TSC22D1: variants seen among roughly 807,000 people sequenced by gnomAD.
The protein encoded by TSC22D1 is TSC22 domain family protein 1.
TSC22D1 carries 9 observed loss-of-function variants against 74.2 expected under a neutral mutation model. The ratio of observed to expected loss-of-function variants is 0.12; its 90% CI spans 0.07 to 0.21. The LOEUF (loss-of-function observed/expected upper bound fraction) is 0.21, where lower values mean the gene tolerates loss of function less well. TSC22D1 is among the 10% of genes least tolerant of loss of function. TSC22D1 has a pLI of 1.00. For synonymous variants in TSC22D1, 586 were observed against 492.5 expected, an observed-to-expected ratio of 1.19 and a Z score of -2.51; for missense variants, 1,427 against 1,304.7, an observed-to-expected ratio of 1.09 and a Z score of -1.44.
At chr13:44,437,423 G>GA (rs552925314) in intron 1 of TSC22D1, 76 of 240,676 alleles carry the variant, frequency 3.2e-4, no homozygotes, top group African/African-American at 1.3e-3. Flanking sequence ...AATTTTAGAG[G>GA]AAAAAAAATC....
At chr13:44,468,000 G>GCA (rs754334721) in intron 1 of TSC22D1, among the ~76,000 whole-genome samples, 1,504 of 114,960 alleles carry the variant, frequency 0.013, 22 homozygotes, top group African/African-American at 0.037. Flanking sequence ...ATACACACAC[G>GCA]CGCACACACA....
rs149910074 is a variant in TSC22D1, at chr13:44,497,266, G to A, written c.2913-61171C>T. ...TATAATATGGATGATCTTAAAAATCGTGCTAAGTGAAAGAGGCCACATACA... is the reference window on the plus strand; with the variant it reads ...TATAATATGGATGATCTTAAAAATCATGCTAAGTGAAAGAGGCCACATACA... On this transcript the variant is annotated intron_variant, in intron 1 of 2. Transcript: ENST00000458659. Among the ~76,000 whole-genome samples, 303 of 152,182 alleles carry A rather than the reference G, an allele frequency of 2.0e-3. 7 individuals carry two copies. In the East Asian group the frequency reaches 0.03, roughly 15 times the overall value.
intron 1 of TSC22D1, among the ~76,000 whole-genome samples, chr13:44,528,093 T>C (rs950767831): frequency 6.6e-6 from 1 of 152,030 alleles, no homozygotes; most frequent in Non-Finnish European, 1.5e-5. Flanking sequence ...TCCACTATCA[T>C]AGTTAAAGAC....
At chr13:44,491,012 C>G (rs748962577) in intron 1 of TSC22D1, among the ~76,000 whole-genome samples, 1 of 151,610 alleles carries the variant, frequency 6.6e-6, no homozygotes, top group Non-Finnish European at 1.5e-5. Flanking sequence ...CAAAGGATAT[C>G]ACAATTAGCC....
At chr13:44,549,552 C>G (rs898226845) in intron 1 of TSC22D1, among the ~76,000 whole-genome samples, 1 of 152,012 alleles carries the variant, frequency 6.6e-6, no homozygotes, top group Admixed American at 6.6e-5. Flanking sequence ...GAGAGAGGAT[C>G]TCTTGAGCTC....
intron 1 of TSC22D1, chr13:44,436,759 AC>A: frequency 6.8e-7 from 1 of 1,478,712 alleles, no homozygotes; most frequent in East Asian, 2.3e-5. Context: ...ATTTAAAGAA[AC>A]CCAGCTTCTA....
At chr13:44,545,594 A>G (rs1450456019) in intron 1 of TSC22D1, among the ~76,000 whole-genome samples, 1 of 152,016 alleles carries the variant, frequency 6.6e-6, no homozygotes, top group Non-Finnish European at 1.5e-5. Context: ...AAAAAAAAAA[A>G]AAAAGGATAA....
chr13:44,498,006 CTCCTCCCCT>C (rs1029079052), intron 1 of TSC22D1, among the ~76,000 whole-genome samples: 1 of 151,900 alleles, frequency 6.6e-6, no homozygotes, highest in African/African-American at 2.4e-5. Flanking sequence ...CTTCCTGTCA[CTCCTCCCCT>C]TCCTCCACTA....
intron 1 of TSC22D1, among the ~76,000 whole-genome samples, chr13:44,563,139 G>A (rs971587856): frequency 1.3e-5 from 2 of 151,774 alleles, no homozygotes; most frequent in Non-Finnish European, 2.9e-5. Context: ...CAAAAACCCT[G>A]TCTTAAGGTT....
intron 1 of TSC22D1, among the ~76,000 whole-genome samples, chr13:44,508,880 G>A (rs915054727): frequency 2.6e-5 from 4 of 152,110 alleles, no homozygotes; most frequent in South Asian, 2.1e-4. Flanking sequence ...CACAGCCCCC[G>A]TGCTCATGGG....
At chr13:44,501,246 G>A (rs1165716421) in intron 1 of TSC22D1, among the ~76,000 whole-genome samples, 2 of 152,168 alleles carry the variant, frequency 1.3e-5, no homozygotes, top group East Asian at 3.8e-4. Context: ...GCAAGTGGCT[G>A]GTTTGAGGGA....
In TSC22D1 at chr13:44,539,058, G is replaced by GA. The variant is rs1881312559; in HGVS notation, c.2912+34104dup. The GA allele has an allele frequency of 4.1e-6, 4 of 985,148 alleles. No homozygotes were observed. The Admixed American group carries it at 2.5e-4, about 61-fold the overall frequency. 61.0% of individuals were successfully genotyped at this position (985,148 alleles called of 1,614,324 possible). ...ATCAAATCCTACCCTTGGCATCAAAGAAACTAAGAGAAAACCATCTTAATG... is the reference window on the plus strand; with the variant it reads ...ATCAAATCCTACCCTTGGCATCAAAGAAAACTAAGAGAAAACCATCTTAATG... On this transcript the variant is annotated intron_variant, in intron 1 of 2. Coordinates refer to ENST00000458659, the MANE Select transcript of TSC22D1 (RefSeq NM_183422.4).
rs113230185 is a variant in TSC22D1, at chr13:44,458,425, GC to G, written c.2913-22331del. ...TGATAATACATATTTCATAATGATG[GC>G]AACAGCAGCCCATCTAGAGCAGCCA... On this transcript the variant is annotated intron_variant, in intron 1 of 2. Coordinates refer to ENST00000458659, the MANE Select transcript of TSC22D1 (RefSeq NM_183422.4). Among the ~76,000 whole-genome samples, 54 of 152,282 alleles carry G rather than the reference GC, an allele frequency of 3.5e-4. 1 individual carries two copies. The highest frequency in any genetic ancestry group is 1.2e-3 in the African/African-American group (48 of 41,548).
At chr13:44,436,892 G>A (rs965364347) in intron 1 of TSC22D1, 35 of 1,130,616 alleles carry the variant, frequency 3.1e-5, no homozygotes, top group Middle Eastern at 3.7e-4. Context: ...AATATATGCA[G>A]GAAAGAGCTG....
At chr13:44,438,504 A>G (rs928730081) in intron 1 of TSC22D1, among the ~76,000 whole-genome samples, 5 of 152,230 alleles carry the variant, frequency 3.3e-5, no homozygotes, top group Non-Finnish European at 7.3e-5. Flanking sequence ...CGGTAAGCAC[A>G]GTAAATGATG....
At chr13:44,510,057 G>C (rs1428173028) in intron 1 of TSC22D1, among the ~76,000 whole-genome samples, 1 of 150,866 alleles carries the variant, frequency 6.6e-6, no homozygotes, top group East Asian at 1.9e-4. Flanking sequence ...CTTTGGAAAA[G>C]GAACTTGTCA....
At chr13:44,443,309 G>GA (rs113326775) in intron 1 of TSC22D1, among the ~76,000 whole-genome samples, 17,473 of 143,118 alleles carry the variant, frequency 0.12, 1,726 homozygotes, top group African/African-American at 0.28. Context: ...TTAACTGAAA[G>GA]AAAAAAAAAA....
chr13:44,482,337 C>T (rs1297874290), intron 1 of TSC22D1, among the ~76,000 whole-genome samples: 1 of 152,086 alleles, frequency 6.6e-6, no homozygotes, highest in African/African-American at 2.4e-5. Context: ...GAGTTCGAGA[C>T]CAGTCTGGCC....
At chr13:44,512,315 G>T (rs1879766762) in intron 1 of TSC22D1, among the ~76,000 whole-genome samples, 2 of 151,840 alleles carry the variant, frequency 1.3e-5, no homozygotes, top group African/African-American at 2.4e-5. Flanking sequence ...GACTACAGGC[G>T]CCCATCACCG....
Sources: allele counts gnomAD v4.1 joint callset (sites outside exome capture counted in the v4.1 genomes callset), GRCh38; gene constraint gnomAD v4.1.1; transcripts MANE v1.5; gene names NCBI Gene and HGNC (gene_info 2026-07-23, HGNC 2026-07-21).